The following THSD7B variants were observed in gnomAD, a reference collection of about 807,000 sequenced individuals.
THSD7B encodes thrombospondin type 1 domain containing 7B.
Under a neutral mutation model 213.6 loss-of-function variants are expected in THSD7B, and 138 were observed. The observed-to-expected ratio is 0.65, with a 90% CI of 0.56 to 0.74. The LOEUF is 0.74. Among genes scored for constraint, THSD7B ranks in the 30% least tolerant of loss-of-function variants. The probability of loss-of-function intolerance (pLI) is 0.00; values close to 1 mark genes in which losing one functional copy is unlikely to be tolerated. For synonymous variants in THSD7B, 742 were observed against 687.0 expected, an observed-to-expected ratio of 1.08 and a Z score of -1.25; for missense variants, 1,931 against 1,991.5, an observed-to-expected ratio of 0.97 and a Z score of 0.58.
intron 1 of THSD7B, among the ~76,000 whole-genome samples, chr2:136,784,361 A>C (rs144315824): frequency 6.6e-6 from 1 of 152,120 alleles, no homozygotes; most frequent in Non-Finnish European, 1.5e-5. Context: ...TCCTTCTATC[A>C]TTTAGAACAA....
chr2:136,835,107 T>C (rs1024958038), intron 1 of THSD7B, among the ~76,000 whole-genome samples: 106 of 152,324 alleles, frequency 7.0e-4, no homozygotes, highest in African/African-American at 2.5e-3. Flanking sequence ...ACTCTGATAC[T>C]GGGGCATCTT....
At chr2:137,465,667 T>C (rs1293178217) in intron 15 of THSD7B, among the ~76,000 whole-genome samples, 1 of 152,106 alleles carries the variant, frequency 6.6e-6, no homozygotes, top group African/African-American at 2.4e-5. Flanking sequence ...TCCACCCTAA[T>C]GAATGCAAGT....
chr2:137,107,704 T>C (rs1688281647), intron 4 of THSD7B, among the ~76,000 whole-genome samples: 1 of 152,180 alleles, frequency 6.6e-6, no homozygotes, highest in African/African-American at 2.4e-5. Flanking sequence ...TTGTGCCACT[T>C]AAAGACCTCC....
intron 17 of THSD7B, among the ~76,000 whole-genome samples, chr2:137,590,977 G>T (rs1335770885): frequency 6.6e-6 from 1 of 151,428 alleles, no homozygotes; most frequent in Non-Finnish European, 1.5e-5. Context: ...CTAATTGTGA[G>T]AAATTTTATT....
In THSD7B at chr2:137,656,884, G is replaced by A; in HGVS notation, c.4194G>A (p.Gln1398=). The A allele has an allele frequency of 3.1e-6, 5 of 1,614,032 alleles. No homozygotes were observed. Among genetic ancestry groups the A allele is most frequent in the Non-Finnish European group, 4.2e-6 (5 of 1,179,886 alleles). ...DGRSFETVGR[Q]SRSRTFIIQS... is the part of the protein sequence containing the mutation. ...GAAGCTTTGAGACTGTGGGCCGCCA[G>A]TCTAGATCAAGGACTTTTATAATTC... is the stretch of plus-strand genomic sequence containing the variant. Residue 1398 remains glutamine, a synonymous_variant, in exon 23 of 28, where the codon CAG becomes CAA. Transcript: ENST00000409968.
chr2:136,896,125 G>A (rs1683956028), intron 2 of THSD7B, among the ~76,000 whole-genome samples: 1 of 152,064 alleles, frequency 6.6e-6, no homozygotes, highest in Non-Finnish European at 1.5e-5. Flanking sequence ...TGTCTTGTAT[G>A]GAATATACAT....
chr2:137,445,208 A>G (rs1687511548), intron 14 of THSD7B, among the ~76,000 whole-genome samples: 1 of 152,108 alleles, frequency 6.6e-6, no homozygotes, highest in Non-Finnish European at 1.5e-5. Context: ...GAGATTTCTC[A>G]AAAGACTAAA....
At chr2:136,835,977 C>T (rs1238501321) in intron 1 of THSD7B, among the ~76,000 whole-genome samples, 5 of 152,082 alleles carry the variant, frequency 3.3e-5, no homozygotes, top group South Asian at 2.1e-4. Context: ...AGGAAGTTTG[C>T]GACTACTCTT....
At chr2:137,331,945 C>T (rs1291247013) in intron 12 of THSD7B, among the ~76,000 whole-genome samples, 1 of 152,160 alleles carries the variant, frequency 6.6e-6, no homozygotes, top group Non-Finnish European at 1.5e-5. Flanking sequence ...TTCCAGCTGG[C>T]CCACAAGCGC....
At chr2:136,892,881 T>G (rs774848470) in intron 2 of THSD7B, among the ~76,000 whole-genome samples, 2 of 152,206 alleles carry the variant, frequency 1.3e-5, no homozygotes, top group African/African-American at 2.4e-5. Context: ...ATATTCAGCT[T>G]CTTTTACATT....
chr2:137,162,238 T>C (rs1312290673), intron 6 of THSD7B, among the ~76,000 whole-genome samples: 1 of 152,198 alleles, frequency 6.6e-6, no homozygotes, highest in Admixed American at 6.5e-5. Context: ...CATTTCTCTC[T>C]CTCTCCATCT....
intron 4 of THSD7B, among the ~76,000 whole-genome samples, chr2:137,095,665 C>A (rs150963679): frequency 1.5e-3 from 233 of 152,098 alleles, no homozygotes; most frequent in Non-Finnish European, 2.5e-3. Context: ...AGAGAATATT[C>A]GAGAAAGGAT....
At chr2:137,055,496 T>C (rs1687147244) in intron 2 of THSD7B, among the ~76,000 whole-genome samples, 1 of 152,232 alleles carries the variant, frequency 6.6e-6, no homozygotes, top group African/African-American at 2.4e-5. Context: ...CTTACTGTCC[T>C]TGTGAAAAGA....
chr2:137,027,639 G>A (rs570433543), intron 2 of THSD7B, among the ~76,000 whole-genome samples: 3 of 152,182 alleles, frequency 2.0e-5, no homozygotes, highest in Non-Finnish European at 4.4e-5. Context: ...CACAGTATGT[G>A]TGCAGGCATG....
intron 6 of THSD7B, among the ~76,000 whole-genome samples, chr2:137,162,812 T>G (rs1045670958): frequency 2.6e-5 from 4 of 151,874 alleles, no homozygotes; most frequent in African/African-American, 9.7e-5. Context: ...CAGGCTGGAG[T>G]GCAATGGCGT....
At chr2:137,459,969 T>C (rs1430044326) in intron 15 of THSD7B, among the ~76,000 whole-genome samples, 2 of 152,188 alleles carry the variant, frequency 1.3e-5, no homozygotes, top group Non-Finnish European at 2.9e-5. Flanking sequence ...TCTTGCCCAA[T>C]GAAGCCATCA....
At chr2:137,412,893 C>CTTT (rs59348687) in intron 14 of THSD7B, among the ~76,000 whole-genome samples, 11,248 of 140,064 alleles carry the variant, frequency 0.08, 968 homozygotes, top group African/African-American at 0.22. Context: ...TTCTTTCTTT[C>CTTT]TTTTTTTTTT....
At chr2:136,900,618 G>T (rs1684048071) in intron 2 of THSD7B, among the ~76,000 whole-genome samples, 2 of 152,158 alleles carry the variant, frequency 1.3e-5, no homozygotes, top group Non-Finnish European at 2.9e-5. Flanking sequence ...TTTTCAGCTT[G>T]TGTTTATTTG....
intron 3 of THSD7B, among the ~76,000 whole-genome samples, chr2:137,058,834 C>T (rs1423239097): frequency 6.6e-6 from 1 of 152,084 alleles, no homozygotes; most frequent in African/African-American, 2.4e-5. Flanking sequence ...GTGAAGTCAG[C>T]AGTCTGCAAG....
Sources: gnomAD v4.1 joint callset for allele counts (sites outside exome capture counted in the v4.1 genomes callset) on GRCh38, gnomAD v4.1.1 for gene constraint, MANE v1.5 for transcripts, NCBI Gene and HGNC (gene_info 2026-07-23, HGNC 2026-07-21) for gene names.